DGKB: variants seen among roughly 807,000 people sequenced by gnomAD.
DGKB encodes the protein 90 kDa diacylglycerol kinase.
DGKB carries 67 observed loss-of-function variants against 114.3 expected under a neutral mutation model. The ratio of observed to expected loss-of-function variants is 0.59; its 90% CI spans 0.48 to 0.72. DGKB has a LOEUF of 0.72. Ranked by LOEUF, DGKB falls within the 30% of genes least tolerant of loss-of-function variation. DGKB has a pLI of 0.00. For synonymous variants in DGKB, 398 were observed against 323.1 expected, an observed-to-expected ratio of 1.23 and a Z score of -2.49; for missense variants, 907 against 975.2, an observed-to-expected ratio of 0.93 and a Z score of 0.93.
At chr7:14,438,984 G>A (rs1037856456) in intron 21 of DGKB, among the ~76,000 whole-genome samples, 18 of 132,280 alleles carry the variant, frequency 1.4e-4, no homozygotes, top group African/African-American at 4.8e-4. Context: ...AATGGGGGAA[G>A]CCTCCTTTTT....
At chr7:14,548,361 CA>C (rs1794620785) in intron 20 of DGKB, among the ~76,000 whole-genome samples, 1 of 152,146 alleles carries the variant, frequency 6.6e-6, no homozygotes, top group African/African-American at 2.4e-5. Context: ...AGATATGCAA[CA>C]GTTAATACGG....
chr7:14,560,343 C>T (rs1467592503), intron 20 of DGKB, among the ~76,000 whole-genome samples: 1 of 151,992 alleles, frequency 6.6e-6, no homozygotes, highest in Non-Finnish European at 1.5e-5. Flanking sequence ...TATTTATGTC[C>T]GTTGATTAAT....
intron 6 of DGKB, among the ~76,000 whole-genome samples, chr7:14,706,356 C>A (rs1328362395): frequency 1.9e-4 from 27 of 141,184 alleles, no homozygotes; most frequent in African/African-American, 4.8e-4. Flanking sequence ...GACTCCCACA[C>A]AATAATAATG....
At chr7:14,429,833 A>C (rs1835676) in intron 21 of DGKB, among the ~76,000 whole-genome samples, 15,574 of 152,104 alleles carry the variant, frequency 0.1, 1,033 homozygotes, top group East Asian at 0.28. Context: ...AGGCAGGAGA[A>C]TTGCTTGAAC....
At chr7:14,927,066 T>C (rs1181037528) in intron 1 of DGKB, among the ~76,000 whole-genome samples, 1 of 152,032 alleles carries the variant, frequency 6.6e-6, no homozygotes, top group Non-Finnish European at 1.5e-5. Context: ...ATGATGATGA[T>C]GATTATTTGT....
chr7:14,923,482 G>T (rs144563716), intron 1 of DGKB, among the ~76,000 whole-genome samples: 33 of 152,232 alleles, frequency 2.2e-4, no homozygotes, highest in African/African-American at 7.7e-4. Flanking sequence ...CTTATTTGTA[G>T]AATATGCAAG....
At chr7:14,217,487 G>C (rs1172012898) in intron 23 of DGKB, among the ~76,000 whole-genome samples, 2 of 151,964 alleles carry the variant, frequency 1.3e-5, no homozygotes, top group South Asian at 4.2e-4. Flanking sequence ...TTGTTTATCT[G>C]GACAAGTGTT....
intron 20 of DGKB, among the ~76,000 whole-genome samples, chr7:14,553,865 CT>C (rs58879064): frequency 6.8e-3 from 481 of 71,154 alleles, no homozygotes; most frequent in African/African-American, 0.021. Flanking sequence ...CCTTTACATG[CT>C]TTTTTTTTTT....
At chr7:14,907,062 G>A (rs1783747332), upstream of DGKB, among the ~76,000 whole-genome samples, 1 of 152,156 alleles carries the variant, frequency 6.6e-6, no homozygotes, top group South Asian at 2.1e-4. Flanking sequence ...ATTTAACAAA[G>A]TGCCATACGG....
chr7:14,757,557 C>CAT, intron 3 of DGKB, 98 bp downstream of exon 3: 1 of 562,086 alleles, frequency 1.8e-6, no homozygotes, highest in Non-Finnish European at 3.2e-6. Context: ...CATATACATA[C>CAT]ACACACACAC....
chr7:14,595,925 A>T (rs1444883534), intron 17 of DGKB, among the ~76,000 whole-genome samples: 1 of 152,118 alleles, frequency 6.6e-6, no homozygotes, highest in African/African-American at 2.4e-5. Flanking sequence ...GTGAAAATCA[A>T]TATTGGGTTT....
intron 5 of DGKB, among the ~76,000 whole-genome samples, chr7:14,721,758 T>C (rs564217714): frequency 6.6e-6 from 1 of 152,164 alleles, no homozygotes; most frequent in Non-Finnish European, 1.5e-5. Context: ...ATTTTTGGAA[T>C]GATTTATAGA....
intron 4 of DGKB, among the ~76,000 whole-genome samples, chr7:14,749,432 T>C (rs1880553): frequency 0.25 from 38,360 of 152,016 alleles, 6,118 homozygotes; most frequent in African/African-American, 0.44. Context: ...TACCTAAGAC[T>C]AGAATTATGA....
At chr7:14,868,302 A>G (rs1346340296) in intron 1 of DGKB, among the ~76,000 whole-genome samples, 1 of 151,170 alleles carries the variant, frequency 6.6e-6, no homozygotes, top group Admixed American at 6.6e-5. Flanking sequence ...TTTTTTCTAT[A>G]GTCAGACTTC....
intron 20 of DGKB, among the ~76,000 whole-genome samples, chr7:14,518,373 C>T (rs1303666469): frequency 6.6e-6 from 1 of 151,830 alleles, no homozygotes; most frequent in Non-Finnish European, 1.5e-5. Context: ...GTGCTTATTA[C>T]CTGGGTAGCA....
intron 1 of DGKB, among the ~76,000 whole-genome samples, chr7:14,966,345 G>C (rs1787147288): frequency 6.6e-6 from 1 of 151,650 alleles, no homozygotes; most frequent in Non-Finnish European, 1.5e-5. Flanking sequence ...GATTCAAGCT[G>C]GTACTATCAG....
chr7:14,348,167 A>C (rs1583323958), intron 21 of DGKB, among the ~76,000 whole-genome samples: 1 of 140,148 alleles, frequency 7.1e-6, no homozygotes, highest in Non-Finnish European at 1.6e-5. Flanking sequence ...ACCTGCCCCC[A>C]CTCCCTCCTT....
intron 20 of DGKB, among the ~76,000 whole-genome samples, chr7:14,518,409 T>A (rs1584522059): frequency 6.6e-6 from 1 of 151,886 alleles, no homozygotes; most frequent in East Asian, 1.9e-4. Flanking sequence ...CAAACCCCCA[T>A]GACACACAAC....
chr7:14,807,958 T>C (rs1842968780), intron 2 of DGKB, among the ~76,000 whole-genome samples: 1 of 152,044 alleles, frequency 6.6e-6, no homozygotes, highest in South Asian at 2.1e-4. Flanking sequence ...TCATCATAAA[T>C]TCTTTAATAC....
Sources: allele counts gnomAD v4.1 joint callset (sites outside exome capture counted in the v4.1 genomes callset), GRCh38; gene constraint gnomAD v4.1.1; transcripts MANE v1.5; gene names NCBI Gene and HGNC (gene_info 2026-07-23, HGNC 2026-07-21).